Variants in PTPRS observed in about 807,000 individuals in gnomAD.
The protein encoded by PTPRS is protein tyrosine phosphatase receptor type S.
Under a neutral mutation model 215.3 loss-of-function variants are expected in PTPRS, and 63 were observed. The observed-to-expected ratio is 0.29, with a 90% confidence interval of 0.24 to 0.36. PTPRS has a LOEUF of 0.36. Among genes scored for constraint, PTPRS ranks in the 10% least tolerant of loss-of-function variants. PTPRS has a pLI of 1.00. For missense variants in PTPRS, 2,258 were observed against 2,825.8 expected, an observed-to-expected ratio of 0.80 and a Z score of 4.56; for synonymous variants, 1,404 against 1,191.4, an observed-to-expected ratio of 1.18 and a Z score of -3.68.
In PTPRS at chr19:5,266,290, T is replaced by C. The variant is rs182133563; in HGVS notation, c.380-1094A>G. Among the ~76,000 whole-genome samples the C allele has an allele frequency of 1.5e-3, 235 of 151,800 alleles. 1 individual carries two copies. The highest frequency in any genetic ancestry group is 1.8e-3 in the Non-Finnish European group (123 of 67,954). ...AATCAAACTAAAAATAAAAATAAAA[T>C]AAATAAAATATAGAGATAGGGTCTC... On this transcript the variant is annotated intron_variant, in intron 4 of 37. Coordinates refer to ENST00000262963, the MANE Select transcript of PTPRS (RefSeq NM_002850.4).
At chr19:5,255,269 C>A (rs759321110) in intron 9 of PTPRS, among the ~76,000 whole-genome samples, 1 of 152,214 alleles carries the variant, frequency 6.6e-6, no homozygotes, top group Non-Finnish European at 1.5e-5. Context: ...TGACCTCCTG[C>A]CATCTGTCTG....
intron 4 of PTPRS, among the ~76,000 whole-genome samples, chr19:5,267,941 A>G (rs769795246): frequency 5.3e-5 from 8 of 152,012 alleles, no homozygotes; most frequent in Non-Finnish European, 1.0e-4. Context: ...AGGCCGAGGC[A>G]GGTGGATCAC....
At chr19:5,263,755 C>T (rs1435356237) in intron 5 of PTPRS, among the ~76,000 whole-genome samples, 2 of 152,238 alleles carry the variant, frequency 1.3e-5, no homozygotes, top group African/African-American at 2.4e-5. Flanking sequence ...GGCGCGTGCG[C>T]GGATCACTGC....
Position 5,294,107 on chromosome 19 carries a change from C to A in PTPRS, c.-94-7873G>T, listed in dbSNP as rs1327603883. On this transcript the variant is annotated intron_variant, in intron 1 of 37. Transcript: ENST00000262963. This position sits in a 1 kb window ranked among gnomAD's most constrained non-coding sequence, Gnocchi z 5.1. ...CGGGATGGAGACCCAAGGGCTCCCG[C>A]GTCTGCTCCCATCCCTGGAAAAAAC... The A allele has an allele frequency of 1.3e-5, 2 of 152,276 alleles. No individual in the cohort carries two copies. Among genetic ancestry groups the A allele is most frequent in the Non-Finnish European group, 2.9e-5 (2 of 68,074 alleles). The allele number at this position is 152,276 out of a possible 1,614,324, so 9.4% of individuals were successfully genotyped here. A position where few individuals can be genotyped will look rare whatever the true frequency, so the allele number is the denominator to read the frequency against.
At chr19:5,337,979 A>G (rs1356449808) in intron 1 of PTPRS, among the ~76,000 whole-genome samples, 1 of 152,100 alleles carries the variant, frequency 6.6e-6, no homozygotes, top group African/African-American at 2.4e-5. Flanking sequence ...CACCTCACGC[A>G]GACTTCAGAG....
chr19:5,238,783 G>C, intron 13 of PTPRS, 136 bp downstream of exon 13: 2 of 1,235,144 alleles, frequency 1.6e-6, no homozygotes, highest in Non-Finnish European at 1.1e-6. Flanking sequence ...CGAGGTCGGG[G>C]AACAAAGCGG....
intron 1 of PTPRS, among the ~76,000 whole-genome samples, chr19:5,336,788 G>GGGTGGGGCGGCGGCGGGT (rs1257663571): frequency 1.3e-5 from 2 of 151,828 alleles, no homozygotes; most frequent in African/African-American, 2.4e-5. Context: ...AGCGGTTGGA[G>GGGTGGGGCGGCGGCGGGT]GGTGGGGCGG....
chr19:5,207,840 C>T, intron 37 of PTPRS, 82 bp downstream of exon 37: 2 of 1,565,690 alleles, frequency 1.3e-6, no homozygotes, highest in Middle Eastern at 1.7e-4. Flanking sequence ...TGGCTGTACC[C>T]ATCTCACAGA....
intron 2 of PTPRS, among the ~76,000 whole-genome samples, chr19:5,283,853 G>A (rs184363248): frequency 7.3e-4 from 111 of 151,022 alleles, no homozygotes; most frequent in Non-Finnish European, 1.2e-3. Context: ...TGGGAGGATC[G>A]CTTAAATCTA....
chr19:5,228,412 T>C (rs927453908), intron 16 of PTPRS, among the ~76,000 whole-genome samples: 10 of 147,418 alleles, frequency 6.8e-5, no homozygotes, highest in African/African-American at 2.5e-4. Flanking sequence ...GTGGTGCCAT[T>C]TTGGCTCACT....
intron 1 of PTPRS, among the ~76,000 whole-genome samples, chr19:5,320,495 TC>T (rs2049997856): frequency 6.6e-6 from 1 of 152,192 alleles, no homozygotes; most frequent in Admixed American, 6.5e-5. Context: ...AGTGGTGTGA[TC>T]TTGGCTCACT....
At position 5,219,320 on chromosome 19, in the gene PTPRS, G is replaced by A. The variant is rs1246481445; in HGVS notation, c.3913C>T (p.Leu1305Phe). 6.2e-7 allele frequency: 1 copy of A among 1,614,088 alleles called. No homozygotes were observed. Among genetic ancestry groups the A allele is most frequent in the South Asian group, 1.1e-5 (1 of 91,082 alleles). ...GGACATGGGGCTTACTTCTTGTAGA[G>A]CAGGATAGCAATGACAATGCAGATT... Reference protein sequence around the residue: ...FIICIVIAILLYKNKPDSKRK... With the variant: ...FIICIVIAILFYKNKPDSKRK... The change falls in exon 23 of 38, where the codon CTC (leucine) becomes TTC (phenylalanine). Residue 1305 changes from leucine (L) to phenylalanine (F), a missense_variant. Leu to Phe is a conservative substitution (Grantham distance 22, BLOSUM62 0). This residue lies in a region of PTPRS where 927 missense variants were observed against 1,125.9 expected (regional missense o/e 0.82). Transcript: ENST00000262963.
intron 1 of PTPRS, among the ~76,000 whole-genome samples, chr19:5,298,120 C>T (rs1388099205): frequency 6.6e-6 from 1 of 152,148 alleles, no homozygotes; most frequent in Non-Finnish European, 1.5e-5. Flanking sequence ...TCTATGCATA[C>T]GAATGGGTGC....
chr19:5,211,258 A>G (rs897021563), intron 33 of PTPRS, among the ~76,000 whole-genome samples: 1 of 152,188 alleles, frequency 6.6e-6, no homozygotes, highest in Non-Finnish European at 1.5e-5. Context: ...TGTGTACTGT[A>G]GGATGCTGAG....
rs549349214 is a variant in PTPRS, at chr19:5,251,618, G to A, written c.718+4490C>T. Among the ~76,000 whole-genome samples the A allele has an allele frequency of 1.5e-4, 23 of 152,086 alleles. 1 individual carries two copies. The highest frequency in any genetic ancestry group is 5.5e-4 in the African/African-American group (23 of 41,472). ...CTCACAAACCCCCTCCCCCAACAGA[G>A]GAAACAGCGAATGCAGAGGGTGTGA... On this transcript the variant is annotated intron_variant, in intron 9 of 37. Coordinates refer to ENST00000262963, the MANE Select transcript of PTPRS (RefSeq NM_002850.4).
chr19:5,250,712 C>G (rs2044943360), intron 9 of PTPRS, among the ~76,000 whole-genome samples: 1 of 150,360 alleles, frequency 6.7e-6, no homozygotes. Context: ...CCCCGATTCA[C>G]ATGGAAAAAC....
rs558444167 is a variant in PTPRS at position 5,299,102 on chromosome 19, C to T, written c.-94-12868G>A. ...CTCCCACCCTCGCCCTCCAGTCTGT[C>T]CTCCCCACAGCACCCACTACATGGT... is the stretch of plus-strand genomic sequence containing the variant. On this transcript the variant is annotated intron_variant, in intron 1 of 37. Transcript: ENST00000262963. Among the ~76,000 whole-genome samples the T allele has an allele frequency of 2.7e-3, 406 of 152,340 alleles. 5 individuals carry two copies. Among genetic ancestry groups the T allele is most frequent in the African/African-American group, 9.4e-3 (390 of 41,580 alleles).
chr19:5,264,190 G>C (rs1047763655), intron 5 of PTPRS, among the ~76,000 whole-genome samples: 28 of 152,216 alleles, frequency 1.8e-4, no homozygotes, highest in African/African-American at 6.8e-4. Flanking sequence ...GCCTTGGAGA[G>C]ACTCTCTCCC....
intron 13 of PTPRS, 46 bp downstream of exon 13, chr19:5,238,873 G>T: frequency 6.5e-7 from 1 of 1,532,626 alleles, no homozygotes; most frequent in Non-Finnish European, 8.7e-7. Context: ...CTGCGGTCAG[G>T]CCGTGGTCCC....
Sources: allele counts gnomAD v4.1 joint callset (sites outside exome capture counted in the v4.1 genomes callset), GRCh38; gene constraint gnomAD v4.1.1; regional missense constraint gnomAD v4.1.1; non-coding constraint Gnocchi (gnomAD v3.1); transcripts MANE v1.5; gene names NCBI Gene and HGNC (gene_info 2026-07-23, HGNC 2026-07-21).